FHIP2A: variants seen among roughly 807,000 people sequenced by gnomAD.
FHIP2A encodes the protein FHF complex subunit HOOK interacting protein 2A.
Under a neutral mutation model 93.5 loss-of-function variants are expected in FHIP2A, and 46 were observed. The observed-to-expected ratio is 0.49, with a 90% CI of 0.39 to 0.63. The LOEUF (loss-of-function observed/expected upper bound fraction) is 0.63, where lower values mean the gene tolerates loss of function less well. Ranked by LOEUF, FHIP2A falls within the 20% of genes least tolerant of loss-of-function variation. FHIP2A has a pLI of 0.00. For synonymous variants in FHIP2A, 332 were observed against 326.5 expected (o/e 1.02, Z -0.18); for missense variants, 769 against 909.7 (o/e 0.85, Z 1.99).
At chr10:114,856,354 C>T (rs116404786) in intron 14 of FHIP2A, among the ~76,000 whole-genome samples, 3,300 of 151,564 alleles carry the variant, frequency 0.022, 50 homozygotes, top group East Asian at 0.069. Flanking sequence ...CTTGGTTGGT[C>T]GTTTTAAACC....
At chr10:114,824,478 G>C (rs1382890053) in intron 1 of FHIP2A, among the ~76,000 whole-genome samples, 1 of 152,184 alleles carries the variant, frequency 6.6e-6, no homozygotes, top group Admixed American at 6.5e-5. Context: ...GCATTTAGAA[G>C]TGTAATGTTT....
At chr10:114,888,971 T>C (rs920033399) in intron 16 of FHIP2A, among the ~76,000 whole-genome samples, 6 of 152,194 alleles carry the variant, frequency 3.9e-5, no homozygotes, top group African/African-American at 1.4e-4. Flanking sequence ...TGTCATGTAA[T>C]CTTCCCTTTG....
downstream of FHIP2A, among the ~76,000 whole-genome samples, chr10:114,866,347 T>G (rs562135321): frequency 2.9e-4 from 44 of 152,324 alleles, no homozygotes; most frequent in African/African-American, 9.6e-4. Context: ...ACACTACATT[T>G]TCTTTATCCA....
rs1198151889 is a variant in FHIP2A at position 114,863,317 on chromosome 10, C to T, written c.*1777C>T. The T allele has an allele frequency of 1.0e-6, 1 of 979,222 alleles. No homozygotes were observed. Among genetic ancestry groups the T allele is most frequent in the Non-Finnish European group, 1.2e-6 (1 of 824,278 alleles). 60.7% of individuals were successfully genotyped at this position (979,222 alleles called of 1,614,324 possible). A position where few individuals can be genotyped will look rare whatever the true frequency, so the allele number is the denominator to read the frequency against. ...CATTTCTAGATGTAGTAACAGTCTA[C>T]TTTGATATATGAGTATTTAAACTAA... On this transcript the variant is annotated 3_prime_UTR_variant, in exon 17 of 17. Coordinates refer to ENST00000369248, the MANE Select transcript of FHIP2A (RefSeq NM_020940.4).
chr10:114,841,117 C>T (rs571849457), intron 5 of FHIP2A, among the ~76,000 whole-genome samples: 1 of 152,128 alleles, frequency 6.6e-6, no homozygotes, highest in East Asian at 1.9e-4. Flanking sequence ...CCACAGAAGA[C>T]CAGGATACCA....
At chr10:114,823,837 C>T (rs11196930) in intron 1 of FHIP2A, among the ~76,000 whole-genome samples, 62,075 of 151,830 alleles carry the variant, frequency 0.41, 13,287 homozygotes, top group Non-Finnish European at 0.48. Flanking sequence ...TACTTGGGAA[C>T]ACTTAATGAG....
At position 114,852,217 on chromosome 10, in the gene FHIP2A, A is replaced by C. The variant is rs1370539715; in HGVS notation, c.1804-2980A>C. Among the ~76,000 whole-genome samples the C allele has an allele frequency of 2.0e-5, 3 of 151,918 alleles. No individual in the cohort carries two copies. The East Asian group carries it at 5.8e-4, about 29-fold the overall frequency. On this transcript the variant is annotated intron_variant, in intron 13 of 16. Coordinates refer to ENST00000369248, the MANE Select transcript of FHIP2A (RefSeq NM_020940.4). ...TATTATGATGTGGCCAAAAAACCAA[A>C]AATATCTATCAATGGCCCTCTTTTC... is the stretch of plus-strand genomic sequence containing the variant.
At chr10:114,877,978 C>T (rs1185754024) in intron 16 of FHIP2A, among the ~76,000 whole-genome samples, 1 of 152,146 alleles carries the variant, frequency 6.6e-6, no homozygotes, top group Non-Finnish European at 1.5e-5. Context: ...TACATTGGCT[C>T]CTTCCCCCTA....
At chr10:114,882,123 G>A (rs1037182682) in intron 16 of FHIP2A, among the ~76,000 whole-genome samples, 1 of 152,204 alleles carries the variant, frequency 6.6e-6, no homozygotes, top group Admixed American at 6.5e-5. Context: ...GCTTACTCAC[G>A]GACAGAAGAG....
At position 114,835,605 on chromosome 10, in the gene FHIP2A, A is replaced by G; in HGVS notation, c.363A>G (p.Pro121=). Residue 121 remains proline (P), a synonymous_variant, in exon 4 of 17, where the codon CCA becomes CCG. Transcript: ENST00000369248. The part of the protein sequence containing the change: ...YTKLLGRIRQ[P]LLPHINVHRP... ...AACTTCTGGGAAGAATCCGGCAGCC[A>G]CTACTTCCACACATTAACGTGCACA... is the stretch of plus-strand genomic sequence containing the variant. 9 of 1,613,064 alleles carry G rather than the reference A, an allele frequency of 5.6e-6. No homozygotes were observed. The highest frequency in any genetic ancestry group is 7.6e-6 in the Non-Finnish European group (9 of 1,179,182).
intron 16 of FHIP2A, among the ~76,000 whole-genome samples, chr10:114,883,226 A>G (rs1328024438): frequency 6.6e-6 from 1 of 152,198 alleles, no homozygotes; most frequent in African/African-American, 2.4e-5. Context: ...CACTCTTCCT[A>G]TGAGGAAATA....
At chr10:114,897,060 T>C (rs919852055) in intron 16 of FHIP2A, among the ~76,000 whole-genome samples, 1 of 152,276 alleles carries the variant, frequency 6.6e-6, no homozygotes, top group Admixed American at 6.5e-5. Context: ...CAATGTACTT[T>C]ATGTTCTTAG....
At chr10:114,891,572 T>TGTGTGC (rs764864142) in intron 16 of FHIP2A, among the ~76,000 whole-genome samples, 1 of 143,824 alleles carries the variant, frequency 7.0e-6, no homozygotes, top group African/African-American at 2.6e-5. Flanking sequence ...TGTGTGTGTG[T>TGTGTGC]GCACGCGTAT....
chr10:114,877,149 G>C (rs1187871649), intron 16 of FHIP2A, among the ~76,000 whole-genome samples: 1 of 152,120 alleles, frequency 6.6e-6, no homozygotes, highest in Non-Finnish European at 1.5e-5. Context: ...AGGCTGGAAC[G>C]GGCTCAGAGC....
At chr10:114,876,639 C>G in intron 16 of FHIP2A, among the ~76,000 whole-genome samples, 1 of 152,150 alleles carries the variant, frequency 6.6e-6, no homozygotes, top group East Asian at 1.9e-4. Flanking sequence ...AGGAATGGGA[C>G]CTGCCGGGAG....
intron 16 of FHIP2A, among the ~76,000 whole-genome samples, chr10:114,878,000 C>A (rs1049411410): frequency 6.6e-6 from 1 of 151,942 alleles, no homozygotes; most frequent in East Asian, 1.9e-4. Context: ...TCCCACCTTC[C>A]CCCCAATATA....
intron 5 of FHIP2A, among the ~76,000 whole-genome samples, chr10:114,839,634 T>C (rs915258759): frequency 6.6e-6 from 1 of 151,958 alleles, no homozygotes; most frequent in Non-Finnish European, 1.5e-5. Context: ...ATCCCAGCAC[T>C]TTGGTAGGCT....
intron 3 of FHIP2A, 54 bp downstream of exon 3, chr10:114,833,456 T>C (rs1296179346): frequency 1.3e-6 from 2 of 1,483,668 alleles, no homozygotes; most frequent in South Asian, 2.4e-5. Context: ...CATTAATGTC[T>C]TACGAATAAA....
chr10:114,848,718 T>C lies in FHIP2A; in HGVS notation c.1784T>C (p.Leu595Pro). 1 of 1,611,898 alleles carries C rather than the reference T, an allele frequency of 6.2e-7. No homozygotes were observed. The highest frequency in any genetic ancestry group is 1.7e-5 in the Admixed American group (1 of 59,932). The stretch of plus-strand genomic sequence containing the variant: ...GAGGGCACAGGATATGACACTTACC[T>C]CCGAGACGCTCATAGGCAGGTAGGT... The part of the protein sequence containing the change: ...HVEGTGYDTY[L>P]RDAHRQFRDY... The change falls in exon 13 of 17, where the codon CTC becomes CCC. Residue 595 changes from leucine to proline, a missense_variant. Physicochemically the swap from Leu to Pro is moderately conservative, Grantham distance 98. Transcript: ENST00000369248.
Sources: gnomAD v4.1 joint callset for allele counts (sites outside exome capture counted in the v4.1 genomes callset) on GRCh38, gnomAD v4.1.1 for gene constraint, MANE v1.5 for transcripts, NCBI Gene and HGNC (gene_info 2026-07-23, HGNC 2026-07-21) for gene names.